Variants in ST8SIA3 observed in about 807,000 individuals in gnomAD.
ST8SIA3 encodes ST8 alpha-N-acetyl-neuraminide alpha-2,8-sialyltransferase 3.
Under a neutral mutation model 34.5 loss-of-function variants are expected in ST8SIA3, and 17 were observed. The ratio of observed to expected loss-of-function variants is 0.49; its 90% confidence interval spans 0.34 to 0.74. ST8SIA3 has a LOEUF of 0.74. Among genes scored for constraint, ST8SIA3 ranks in the 30% least tolerant of loss-of-function variants. ST8SIA3 has a pLI of 0.01. For synonymous variants in ST8SIA3, 172 were observed against 176.1 expected (o/e 0.98, Z 0.19); for missense variants, 354 against 467.8 (o/e 0.76, Z 2.24).
Position 57,368,818 on chromosome 18 carries a change from A to G in ST8SIA3, c.*8541A>G, listed in dbSNP as rs1173854654. The G allele has an allele frequency of 1.3e-5, 2 of 152,276 alleles. No homozygotes were observed. The highest frequency in any genetic ancestry group is 2.9e-5 in the Non-Finnish European group (2 of 68,054). The allele number at this position is 152,276 out of a possible 1,614,324, so 9.4% of individuals were successfully genotyped here. On this transcript the variant is annotated 3_prime_UTR_variant, in exon 4 of 4. Coordinates refer to ENST00000324000, the MANE Select transcript of ST8SIA3 (RefSeq NM_015879.3). ...AGAAAATGCAACCATTTGCTTCGAC[A>G]GCTCCTCAAATGTACTTGTTAAGTG...
In ST8SIA3 at chr18:57,363,927, C is replaced by G. The variant is rs1275155623; in HGVS notation, c.*3650C>G. ...CCTCCTCTAGTACTTCTTGGTCTTACCAGCATCAAATGAAGCTGGGCTCAC... is the reference window on the plus strand; with the variant it reads ...CCTCCTCTAGTACTTCTTGGTCTTAGCAGCATCAAATGAAGCTGGGCTCAC... On this transcript the variant is annotated 3_prime_UTR_variant, in exon 4 of 4. Transcript: ENST00000324000. 6.6e-6 allele frequency: 1 copy of G among 152,164 alleles called. No individual in the cohort carries two copies. The highest frequency in any genetic ancestry group is 1.5e-5 in the Non-Finnish European group (1 of 68,038). 9.4% of individuals were successfully genotyped at this position (152,164 alleles called of 1,614,324 possible).
Position 57,360,150 on chromosome 18 carries a change from A to G in ST8SIA3, c.1016A>G (p.Tyr339Cys). The G allele has an allele frequency of 6.2e-7, 1 of 1,614,116 alleles. No homozygotes were observed. The highest frequency in any genetic ancestry group is 8.5e-7 in the Non-Finnish European group (1 of 1,180,004). Residue 339 changes from tyrosine to cysteine, a missense_variant, in exon 4 of 4, where the codon TAT becomes TGT. Physicochemically the swap from Tyr to Cys is radical, Grantham distance 194. Transcript: ENST00000324000. ...AGGGAAGATCTTCCATACCATTACT[A>G]TGACAAAAAAGGAACCAAATTTACC... is the stretch of plus-strand genomic sequence containing the variant. Reference protein sequence around the residue: ...NTREDLPYHYYDKKGTKFTTK... With the variant: ...NTREDLPYHYCDKKGTKFTTK...
At chr18:57,357,492 T>C (rs764676560) in intron 3 of ST8SIA3, 22 bp downstream of exon 3, 5 of 1,565,376 alleles carry the variant, frequency 3.2e-6, no homozygotes, top group Non-Finnish European at 3.5e-6. Context: ...TTATTACATT[T>C]TACTCATACT....
At position 57,365,935 on chromosome 18, in the gene ST8SIA3, G is replaced by A. The variant is rs1015707752; in HGVS notation, c.*5658G>A. On this transcript the variant is annotated 3_prime_UTR_variant, in exon 4 of 4. Transcript: ENST00000324000. ...ATTCTCAGACAGTTTTAGCTCTTTG[G>A]TGTGCTGCCAAATGTTTAACAACTG... 1.3e-5 allele frequency: 2 copies of A among 152,164 alleles called. No homozygotes were observed. Among genetic ancestry groups the A allele is most frequent in the South Asian group, 2.1e-4 (1 of 4,822 alleles). The allele number at this position is 152,164 out of a possible 1,614,324, so 9.4% of individuals were successfully genotyped here. A position where few individuals can be genotyped will look rare whatever the true frequency, so the allele number is the denominator to read the frequency against.
Position 57,354,444 on chromosome 18 carries a change from C to A in ST8SIA3, c.222C>A (p.Pro74=). 6.2e-7 allele frequency: 1 copy of A among 1,614,158 alleles called. No individual in the cohort carries two copies. Among genetic ancestry groups the A allele is most frequent in the Non-Finnish European group, 8.5e-7 (1 of 1,180,004 alleles). Residue 74 remains proline, a synonymous_variant, in exon 2 of 4, where the codon CCC becomes CCA. Transcript: ENST00000324000. ...ALKFLDPSFV[P]ITNSLTQELQ... ...AGTTTCTAGACCCGTCATTCGTGCC[C>A]ATTACGAATTCTCTCACCCAGGAAC...
In ST8SIA3 at chr18:57,352,867, C is replaced by T; in HGVS notation, c.21C>T (p.Ala7=). 1 of 1,613,684 alleles carries T rather than the reference C, an allele frequency of 6.2e-7. No individual in the cohort carries two copies. Among genetic ancestry groups the T allele is most frequent in the Non-Finnish European group, 8.5e-7 (1 of 1,179,972 alleles). Residue 7 remains alanine, a synonymous_variant, in exon 1 of 4, where the codon GCC becomes GCT. Coordinates refer to ENST00000324000, the MANE Select transcript of ST8SIA3 (RefSeq NM_015879.3). MRNCKM[A]RVASVLGLVM... ...CCGGGATGAGAAACTGCAAAATGGC[C>T]CGGGTCGCCAGTGTGCTGGGGCTGG... is the stretch of plus-strand genomic sequence containing the variant.
rs1017670798 is a variant in ST8SIA3 at position 57,362,938 on chromosome 18, G to A, written c.*2661G>A. ...TGGCTCTCCTGCAGCTCCCAGGCTT[G>A]TGTAGTCAAGTGCAGTGAACTGGGC... On this transcript the variant is annotated 3_prime_UTR_variant, in exon 4 of 4. Coordinates refer to ENST00000324000, the MANE Select transcript of ST8SIA3 (RefSeq NM_015879.3). 4 of 152,272 alleles carry A rather than the reference G, an allele frequency of 2.6e-5. No homozygotes were observed. Among genetic ancestry groups the A allele is most frequent in the Admixed American group, 6.5e-5 (1 of 15,288 alleles). The allele number at this position is 152,272 out of a possible 1,614,324, so 9.4% of individuals were successfully genotyped here.
chr18:57,367,573 C>CA lies in ST8SIA3; in HGVS notation c.*7297dup, dbSNP rs2049867710. 1 of 152,470 alleles carries CA rather than the reference C, an allele frequency of 6.6e-6. No homozygotes were observed. The highest frequency in any genetic ancestry group is 1.5e-5 in the Non-Finnish European group (1 of 68,036). The allele number at this position is 152,470 out of a possible 1,614,324, so 9.4% of individuals were successfully genotyped here. Reference sequence around the variant, plus strand: ...CTTGAGGAACCAGCCACTCCCATAGCATTTTTAGTCTTAGGGAAGAAAATT... The same window carrying CA: ...CTTGAGGAACCAGCCACTCCCATAGCAATTTTTAGTCTTAGGGAAGAAAATT... On this transcript the variant is annotated 3_prime_UTR_variant, in exon 4 of 4. Transcript: ENST00000324000.
rs1417081359 is a variant in ST8SIA3, at chr18:57,361,500, C to T, written c.*1223C>T. 2 of 152,654 alleles carry T rather than the reference C, an allele frequency of 1.3e-5. No homozygotes were observed. The highest frequency in any genetic ancestry group is 2.9e-5 in the Non-Finnish European group (2 of 68,066). The allele number at this position is 152,654 out of a possible 1,614,324, so 9.5% of individuals were successfully genotyped here. A position where few individuals can be genotyped will look rare whatever the true frequency, so the allele number is the denominator to read the frequency against. On this transcript the variant is annotated 3_prime_UTR_variant, in exon 4 of 4. Coordinates refer to ENST00000324000, the MANE Select transcript of ST8SIA3 (RefSeq NM_015879.3). ...TAGCACTGGATATTCCCTCTTTCCA[C>T]TGAAGTCAGATCTATACAACTACAA...
rs1018454498 is a variant in ST8SIA3 at position 57,366,170 on chromosome 18, T to A, written c.*5893T>A. 4.6e-5 allele frequency: 7 copies of A among 152,212 alleles called. No individual in the cohort carries two copies. The highest frequency in any genetic ancestry group is 1.4e-4 in the African/African-American group (6 of 41,458). 9.4% of individuals were successfully genotyped at this position (152,212 alleles called of 1,614,324 possible). A position where few individuals can be genotyped will look rare whatever the true frequency, so the allele number is the denominator to read the frequency against. ...CCTGAACAATTTTTAAGTCAGTGAGTACCAAATAGGAGAGGCTAGCAGAGG... is the reference window on the plus strand; with the variant it reads ...CCTGAACAATTTTTAAGTCAGTGAGAACCAAATAGGAGAGGCTAGCAGAGG... On this transcript the variant is annotated 3_prime_UTR_variant, in exon 4 of 4. Transcript: ENST00000324000.
intron 3 of ST8SIA3, 140 bp from the exon 4 acceptor site, chr18:57,359,855 G>T: frequency 2.8e-6 from 2 of 707,328 alleles, no homozygotes. Context: ...AGTTGTTTTT[G>T]GTTGCCTAAA....
rs1313480776 is a variant in ST8SIA3 at position 57,362,458 on chromosome 18, C to G, written c.*2181C>G. 1 of 152,134 alleles carries G rather than the reference C, an allele frequency of 6.6e-6. No individual in the cohort carries two copies. The highest frequency in any genetic ancestry group is 1.5e-5 in the Non-Finnish European group (1 of 68,010). 9.4% of individuals were successfully genotyped at this position (152,134 alleles called of 1,614,324 possible). On this transcript the variant is annotated 3_prime_UTR_variant, in exon 4 of 4. Transcript: ENST00000324000. ...CCAAGAAGATTAAAAGAGGAAAAGA[C>G]CAGAATCTCTAAAAAACAGTTTACT...
chr18:57,362,534 T>G lies in ST8SIA3; in HGVS notation c.*2257T>G, dbSNP rs372611334. The stretch of plus-strand genomic sequence containing the variant: ...TATCTCATCATAATGCCAAGGATTT[T>G]TGTTTGTTTTTTAAGTTCAGGGAGA... On this transcript the variant is annotated 3_prime_UTR_variant, in exon 4 of 4. Coordinates refer to ENST00000324000, the MANE Select transcript of ST8SIA3 (RefSeq NM_015879.3). The G allele has an allele frequency of 1.7e-4, 26 of 152,304 alleles. No individual in the cohort carries two copies. Among genetic ancestry groups the G allele is most frequent in the African/African-American group, 6.0e-4 (25 of 41,562 alleles). The allele number at this position is 152,304 out of a possible 1,614,324, so 9.4% of individuals were successfully genotyped here.
At chr18:57,355,189 GGAA>G (rs1440905585) in intron 2 of ST8SIA3, among the ~76,000 whole-genome samples, 4 of 152,082 alleles carry the variant, frequency 2.6e-5, no homozygotes, top group Non-Finnish European at 5.9e-5. Flanking sequence ...TTTTTTAGGT[GGAA>G]GAAGGATGAG....
rs2049864337 is a variant in ST8SIA3 at position 57,366,976 on chromosome 18, T to C, written c.*6699T>C. ...TCCAACTGAGTGTTTAGAAATCAGG[T>C]AATCTGGTAATCCACAGAACAAGCT... On this transcript the variant is annotated 3_prime_UTR_variant, in exon 4 of 4. Coordinates refer to ENST00000324000, the MANE Select transcript of ST8SIA3 (RefSeq NM_015879.3). The C allele has an allele frequency of 2.0e-5, 3 of 152,240 alleles. No homozygotes were observed. The highest frequency in any genetic ancestry group is 4.4e-5 in the Non-Finnish European group (3 of 68,046). The allele number at this position is 152,240 out of a possible 1,614,324, so 9.4% of individuals were successfully genotyped here.
rs899623581 is a variant in ST8SIA3 at position 57,354,646 on chromosome 18, A to G, written c.302+122A>G. 2.6e-6 allele frequency: 3 copies of G among 1,148,912 alleles called. No homozygotes were observed. The African/African-American group carries it at 4.7e-5, about 18-fold the overall frequency. The allele number at this position is 1,148,912 out of a possible 1,614,324, so 71.2% of individuals were successfully genotyped here. ...ACAAACATCTATACGCCCCACCCTC[A>G]CCATCAGGTGTATCTGCATTGTTTT... On this transcript the variant is annotated intron_variant, in intron 2 of 3. Transcript: ENST00000324000.
Position 57,355,879 on chromosome 18 carries a change from T to G in ST8SIA3, c.303-1034T>G, listed in dbSNP as rs2049795293. Among the ~76,000 whole-genome samples, 8 of 152,374 alleles carry G rather than the reference T, an allele frequency of 5.3e-5. No homozygotes were observed. In the South Asian group the frequency reaches 1.7e-3, roughly 32 times the overall value. On this transcript the variant is annotated intron_variant, in intron 2 of 3. Transcript: ENST00000324000. ...TTTTAACAACTTGTAAGAGTGGTAC[T>G]GGTAACTTGGGGAGTTTCAAAGATT...
intron 1 of ST8SIA3, among the ~76,000 whole-genome samples, 168 bp downstream of exon 1, chr18:57,353,193 AT>A (rs1006643866): frequency 1.5e-4 from 22 of 146,738 alleles, no homozygotes; most frequent in Middle Eastern, 3.5e-3. Context: ...CCTCCCTGTT[AT>A]TTTTTTTTTA....
chr18:57,353,094 G>A (rs2049774545), intron 1 of ST8SIA3, 69 bp downstream of exon 1: 4 of 1,537,386 alleles, frequency 2.6e-6, no homozygotes, highest in Non-Finnish European at 3.5e-6. Context: ...AAGGGAAGGC[G>A]TGGGGGAGGG....
Sources: allele counts gnomAD v4.1 joint callset (sites outside exome capture counted in the v4.1 genomes callset), GRCh38; gene constraint gnomAD v4.1.1; transcripts MANE v1.5; gene names NCBI Gene and HGNC (gene_info 2026-07-23, HGNC 2026-07-21).